CALN1: variants seen among roughly 807,000 people sequenced by gnomAD.
CALN1 encodes calcium-binding protein 8.
A neutral mutation model predicts 30.6 loss-of-function variants in CALN1; 17 were observed. That is an observed-to-expected ratio of 0.56 (90% CI 0.38 to 0.83). The LOEUF is 0.83. CALN1 is among the 40% of genes least tolerant of loss of function. The probability of loss-of-function intolerance (pLI) is 0.00; values close to 1 mark genes in which losing one functional copy is unlikely to be tolerated. For missense variants in CALN1, 291 were observed against 354.9 expected (o/e 0.82, Z 1.45); for synonymous variants, 156 against 131.4 (o/e 1.19, Z -1.28).
chr7:72,143,421 G>C (rs1016874705), intron 3 of CALN1, among the ~76,000 whole-genome samples: 4 of 152,246 alleles, frequency 2.6e-5, no homozygotes, highest in African/African-American at 9.6e-5. Context: ...GAGAACTTTA[G>C]AGAAAAAAGA....
At chr7:72,444,448 T>G (rs781780873) in intron 1 of CALN1, among the ~76,000 whole-genome samples, 8 of 152,166 alleles carry the variant, frequency 5.3e-5, no homozygotes, top group Non-Finnish European at 1.0e-4. Context: ...GAGAATTGGT[T>G]TTGCTTAGTC....
chr7:71,970,145 G>A (rs1391577187), intron 5 of CALN1, among the ~76,000 whole-genome samples: 4 of 152,034 alleles, frequency 2.6e-5, no homozygotes, highest in South Asian at 2.1e-4. Flanking sequence ...CACCACGCCC[G>A]GCCCAGCAAC....
Position 72,334,229 on chromosome 7 carries a change from T to G in CALN1, c.120-55419A>C, listed in dbSNP as rs954817820. On this transcript the variant is annotated intron_variant, in intron 2 of 6. Coordinates refer to ENST00000395275, the MANE Select transcript of CALN1 (RefSeq NM_031468.4). ...ACGTCCAAAGTCTATCAATTGGAAT[T>G]TCTCTCGTAATGAGAACCAGTGCCC... Among the ~76,000 whole-genome samples, 4 of 152,260 alleles carry G rather than the reference T, an allele frequency of 2.6e-5. 1 individual carries two copies. The highest frequency in any genetic ancestry group is 1.5e-5 in the Non-Finnish European group (1 of 68,022).
intron 5 of CALN1, among the ~76,000 whole-genome samples, chr7:71,874,039 C>T (rs1484880429): frequency 6.6e-6 from 1 of 152,140 alleles, no homozygotes; most frequent in African/African-American, 2.4e-5. Context: ...CTTTGGGAGG[C>T]TGAGGCGGGT....
chr7:72,157,246 G>A (rs1425213842), intron 3 of CALN1, among the ~76,000 whole-genome samples: 8 of 152,080 alleles, frequency 5.3e-5, no homozygotes, highest in South Asian at 2.1e-4. Flanking sequence ...ACACAACAAC[G>A]ATATGCAAAG....
At chr7:72,385,824 C>G (rs1277775187) in intron 2 of CALN1, among the ~76,000 whole-genome samples, 1 of 152,196 alleles carries the variant, frequency 6.6e-6, no homozygotes, top group Non-Finnish European at 1.5e-5. Flanking sequence ...GCTTCCCCTT[C>G]ACCTTCCACC....
At chr7:72,447,025 A>G (rs550352158) in intron 1 of CALN1, 1 of 152,562 alleles carries the variant, frequency 6.6e-6, no homozygotes, top group African/African-American at 2.4e-5. Flanking sequence ...TCAGAGTGTC[A>G]TCGGCAAGGG....
intron 2 of CALN1, among the ~76,000 whole-genome samples, chr7:72,295,555 G>C (rs1186714708): frequency 1.4e-5 from 2 of 147,224 alleles, no homozygotes; most frequent in South Asian, 2.3e-4. Context: ...GTGGTTTGTA[G>C]TTCTCCTTGA....
intron 6 of CALN1, among the ~76,000 whole-genome samples, chr7:71,809,251 T>C (rs966799509): frequency 1.3e-5 from 2 of 151,988 alleles, no homozygotes; most frequent in Admixed American, 6.6e-5. Flanking sequence ...GGGTCCATGA[T>C]GCAGCAGTTC....
intron 2 of CALN1, among the ~76,000 whole-genome samples, chr7:72,361,252 AAGCCTCCAG>A (rs1465742088): frequency 1.3e-5 from 2 of 152,170 alleles, no homozygotes; most frequent in Non-Finnish European, 2.9e-5. Context: ...TCCAAAGGCC[AAGCCTCCAG>A]AGCCTTGGTC....
intron 5 of CALN1, among the ~76,000 whole-genome samples, chr7:71,983,142 G>T (rs1798485872): frequency 6.6e-6 from 1 of 152,056 alleles, no homozygotes; most frequent in Non-Finnish European, 1.5e-5. Context: ...CTGCCAGCTG[G>T]GAGTCCCACT....
intron 3 of CALN1, among the ~76,000 whole-genome samples, chr7:72,269,671 G>A (rs1796841750): frequency 6.6e-6 from 1 of 152,130 alleles, no homozygotes; most frequent in African/African-American, 2.4e-5. Context: ...ACAAATTTAA[G>A]GTGGTCAGCC....
At chr7:71,988,598 C>T (rs1798797465) in intron 5 of CALN1, among the ~76,000 whole-genome samples, 1 of 152,110 alleles carries the variant, frequency 6.6e-6, no homozygotes, top group African/African-American at 2.4e-5. Context: ...TTGGCACTGA[C>T]TATATTTTTA....
chr7:72,236,968 AC>A (rs966169614), intron 3 of CALN1, among the ~76,000 whole-genome samples: 6 of 150,250 alleles, frequency 4.0e-5, no homozygotes, highest in African/African-American at 1.5e-4. Flanking sequence ...CTAGTTGGGA[AC>A]TTTTTTTTTT....
chr7:72,393,239 G>C (rs765386324), intron 2 of CALN1, among the ~76,000 whole-genome samples: 1 of 152,070 alleles, frequency 6.6e-6, no homozygotes, highest in African/African-American at 2.4e-5. Context: ...AGGCCGAGGC[G>C]TGTGGATCAT....
intron 2 of CALN1, among the ~76,000 whole-genome samples, chr7:72,308,995 C>G (rs568366181): frequency 1.3e-3 from 191 of 152,306 alleles, no homozygotes; most frequent in African/African-American, 4.5e-3. Context: ...TAAGTAATGT[C>G]TCAGTTATAC....
At chr7:72,163,643 T>TA (rs1420678935) in intron 3 of CALN1, among the ~76,000 whole-genome samples, 6 of 152,126 alleles carry the variant, frequency 3.9e-5, no homozygotes, top group Admixed American at 3.3e-4. Context: ...ATATCAGTAA[T>TA]AAAAAGTTCA....
chr7:72,158,677 T>C (rs1461302800), intron 3 of CALN1, among the ~76,000 whole-genome samples: 1 of 152,138 alleles, frequency 6.6e-6, no homozygotes, highest in East Asian at 1.9e-4. Context: ...TTGATGTGTA[T>C]CTGCAAGTCG....
At chr7:71,938,976 GATGATTGA>G (rs1039834449) in intron 5 of CALN1, among the ~76,000 whole-genome samples, 3 of 151,984 alleles carry the variant, frequency 2.0e-5, no homozygotes, top group African/African-American at 7.3e-5. Flanking sequence ...CAGTCATCAG[GATGATTGA>G]ATGATTGAAT....
Sources: gnomAD v4.1 joint callset for allele counts (sites outside exome capture counted in the v4.1 genomes callset) on GRCh38, gnomAD v4.1.1 for gene constraint, MANE v1.5 for transcripts, NCBI Gene and HGNC (gene_info 2026-07-23, HGNC 2026-07-21) for gene names.